Variants in L2HGDH observed in about 807,000 individuals in gnomAD.
L2HGDH encodes the protein L-2-hydroxyglutarate dehydrogenase, mitochondrial.
In L2HGDH, 34 loss-of-function variants were observed where a neutral mutation model predicts 51.5. That is an observed-to-expected ratio of 0.66 (90% CI 0.50 to 0.88). The LOEUF (loss-of-function observed/expected upper bound fraction) is 0.88, where lower values mean the gene tolerates loss of function less well. Among genes scored for constraint, L2HGDH ranks in the 40% least tolerant of loss-of-function variants. L2HGDH has a pLI of 0.00. For missense variants in L2HGDH, 558 were observed against 571.9 expected, an observed-to-expected ratio of 0.98 and a Z score of 0.25; for synonymous variants, 198 against 197.9, an observed-to-expected ratio of 1.00 and a Z score of -0.01.
intron 9 of L2HGDH, among the ~76,000 whole-genome samples, chr14:50,253,726 G>A (rs1443810375): frequency 6.6e-6 from 1 of 152,072 alleles, no homozygotes; most frequent in Non-Finnish European, 1.5e-5. Context: ...AGAGATATCT[G>A]AATTTCCATG....
At chr14:50,286,534 C>A (rs760045488) in intron 4 of L2HGDH, among the ~76,000 whole-genome samples, 1 of 152,044 alleles carries the variant, frequency 6.6e-6, no homozygotes, top group African/African-American at 2.4e-5. Context: ...CAAGTGACCC[C>A]GTACAATGGG....
At chr14:50,309,634 G>T (rs1326713517) in intron 1 of L2HGDH, among the ~76,000 whole-genome samples, 1 of 150,304 alleles carries the variant, frequency 6.7e-6, no homozygotes, top group Non-Finnish European at 1.5e-5. Context: ...TGAATATAAA[G>T]AGATAGGTAA....
chr14:50,297,101 T>C (rs1319897638), intron 3 of L2HGDH, among the ~76,000 whole-genome samples: 1 of 152,126 alleles, frequency 6.6e-6, no homozygotes, highest in Non-Finnish European at 1.5e-5. Flanking sequence ...AAACTAGGAA[T>C]AGAAAGGAAC....
intron 9 of L2HGDH, 112 bp downstream of exon 9, chr14:50,265,246 G>T: frequency 2.3e-6 from 2 of 880,836 alleles, no homozygotes; most frequent in Non-Finnish European, 1.8e-6. Flanking sequence ...CAAAAATTCA[G>T]TGCATATGCA....
intron 1 of L2HGDH, among the ~76,000 whole-genome samples, chr14:50,303,810 T>TAA (rs5808550): frequency 0.061 from 6,943 of 113,880 alleles, 317 homozygotes; most frequent in African/African-American, 0.1. Context: ...TTAGACGCAT[T>TAA]AAAAAAAAAA....
rs996932625 is a variant in L2HGDH, at chr14:50,245,525, C to T, written c.*1533G>A. ...ACAAATATTATAATTAAGATAGAAA[C>T]TTATTCAAACTACTCAAAAATGTAA... On this transcript the variant is annotated 3_prime_UTR_variant, in exon 10 of 10. Coordinates refer to ENST00000267436, the MANE Select transcript of L2HGDH (RefSeq NM_024884.3). The T allele has an allele frequency of 4.0e-5, 39 of 968,316 alleles. No homozygotes were observed. Among genetic ancestry groups the T allele is most frequent in the Non-Finnish European group, 4.5e-5 (37 of 814,590 alleles). The allele number at this position is 968,316 out of a possible 1,614,324, so 60.0% of individuals were successfully genotyped here.
At chr14:50,286,739 A>T (rs947292052) in intron 4 of L2HGDH, among the ~76,000 whole-genome samples, 6 of 152,242 alleles carry the variant, frequency 3.9e-5, no homozygotes, top group African/African-American at 1.4e-4. Flanking sequence ...AGAGAGAAGC[A>T]GAATATGCCT....
In L2HGDH at chr14:50,247,054, T is replaced by A. The variant is rs1261502492; in HGVS notation, c.*4A>T. On this transcript the variant is annotated 3_prime_UTR_variant, in exon 10 of 10. Coordinates refer to ENST00000267436, the MANE Select transcript of L2HGDH (RefSeq NM_024884.3). ...TACAGTGCATACCTAGCTCCTTTCA[T>A]TATTTATAATTCAAATCTTTGTTGT... is the stretch of plus-strand genomic sequence containing the variant. The A allele has an allele frequency of 1.9e-6, 3 of 1,612,436 alleles. No individual in the cohort carries two copies. In the South Asian group the frequency reaches 3.3e-5, roughly 18 times the overall value.
At chr14:50,302,878 G>A (rs1566539695) in intron 2 of L2HGDH, 24 bp downstream of exon 2, 1 of 1,490,208 alleles carries the variant, frequency 6.7e-7, no homozygotes, top group South Asian at 1.1e-5. Flanking sequence ...TAAGCCCAAA[G>A]AACAACATTG....
rs1221375216 is a variant in L2HGDH, at chr14:50,246,175, G to C, written c.*883C>G. ...ATTCGGACAGATAAAACTGTACCTT[G>C]CCTCTTTATTCGCAAAGTAAATAAG... On this transcript the variant is annotated 3_prime_UTR_variant, in exon 10 of 10. Coordinates refer to ENST00000267436, the MANE Select transcript of L2HGDH (RefSeq NM_024884.3). The C allele has an allele frequency of 2.0e-5, 3 of 151,476 alleles. No individual in the cohort carries two copies. The highest frequency in any genetic ancestry group is 7.3e-5 in the African/African-American group (3 of 41,268). 9.4% of individuals were successfully genotyped at this position (151,476 alleles called of 1,614,324 possible).
chr14:50,275,428 A>T (rs112345687), intron 6 of L2HGDH, among the ~76,000 whole-genome samples: 280 of 152,306 alleles, frequency 1.8e-3, no homozygotes, highest in Non-Finnish European at 3.0e-3. Context: ...TCTGAATATA[A>T]ATTTGTCTTC....
At chr14:50,283,052 T>C (rs1402749437) in intron 5 of L2HGDH, among the ~76,000 whole-genome samples, 1 of 151,456 alleles carries the variant, frequency 6.6e-6, no homozygotes, top group Non-Finnish European at 1.5e-5. Context: ...AATACAAAAA[T>C]TAGCTGGGTG....
At chr14:50,311,646 A>T (rs190652598) in intron 1 of L2HGDH, among the ~76,000 whole-genome samples, 1 of 152,344 alleles carries the variant, frequency 6.6e-6, no homozygotes, top group Admixed American at 6.5e-5. Flanking sequence ...TTGATTGCTT[A>T]TACTGTGTGC....
intron 6 of L2HGDH, among the ~76,000 whole-genome samples, chr14:50,277,904 C>T (rs1414402028): frequency 1.3e-5 from 2 of 152,030 alleles, no homozygotes; most frequent in African/African-American, 4.8e-5. Flanking sequence ...GACAGATACC[C>T]ACTGTCCAGT....
intron 8 of L2HGDH, among the ~76,000 whole-genome samples, chr14:50,267,398 G>T (rs559683782): frequency 1.3e-5 from 2 of 152,200 alleles, no homozygotes; most frequent in East Asian, 3.9e-4. Context: ...TAGCCAGGAT[G>T]GTCTTGATCT....
At chr14:50,297,466 C>A (rs1332927869) in intron 3 of L2HGDH, among the ~76,000 whole-genome samples, 1 of 152,028 alleles carries the variant, frequency 6.6e-6, no homozygotes, top group East Asian at 1.9e-4. Flanking sequence ...CAATCATATT[C>A]TATGCATTAG....
At chr14:50,267,363 T>C (rs1385856645) in intron 8 of L2HGDH, among the ~76,000 whole-genome samples, 1 of 151,966 alleles carries the variant, frequency 6.6e-6, no homozygotes, top group Non-Finnish European at 1.5e-5. Context: ...TTTGTATTTT[T>C]AGTAGAGATG....
rs1887851061 is a variant in L2HGDH, at chr14:50,242,666, T to A, written c.*4392A>T. On this transcript the variant is annotated 3_prime_UTR_variant, in exon 10 of 10. Transcript: ENST00000267436. ...AAAACATCTCGAGGCAGCTTTTGCTTTCCCAACCATTTCACCCTGTCCTTC... is the reference window on the plus strand; with the variant it reads ...AAAACATCTCGAGGCAGCTTTTGCTATCCCAACCATTTCACCCTGTCCTTC... The A allele has an allele frequency of 1.0e-6, 1 of 985,344 alleles. No homozygotes were observed. Among genetic ancestry groups the A allele is most frequent in the Non-Finnish European group, 1.2e-6 (1 of 829,952 alleles). The allele number at this position is 985,344 out of a possible 1,614,324, so 61.0% of individuals were successfully genotyped here. A position where few individuals can be genotyped will look rare whatever the true frequency, so the allele number is the denominator to read the frequency against.
intron 7 of L2HGDH, among the ~76,000 whole-genome samples, chr14:50,268,371 T>C (rs1232240962): frequency 5.1e-5 from 7 of 138,308 alleles, no homozygotes; most frequent in Non-Finnish European, 1.1e-4. Context: ...AGAGTGAGAA[T>C]CTGTCTCAGG....
Sources: gnomAD v4.1 joint callset for allele counts (sites outside exome capture counted in the v4.1 genomes callset) on GRCh38, gnomAD v4.1.1 for gene constraint, MANE v1.5 for transcripts, NCBI Gene and HGNC (gene_info 2026-07-23, HGNC 2026-07-21) for gene names.